The following NOL7 variants were observed in gnomAD, a reference collection of about 807,000 sequenced individuals.
NOL7 encodes the protein nucleolar protein 7.
Under a neutral mutation model 38.4 loss-of-function variants are expected in NOL7, and 36 were observed. The observed-to-expected ratio is 0.94, with a 90% confidence interval of 0.72 to 1.24. The LOEUF is 1.24. Among genes scored for constraint, NOL7 ranks in the 50% most tolerant of loss-of-function variants. The pLI, the probability that NOL7 is intolerant of heterozygous loss-of-function variation, is 0.00. For missense variants in NOL7, 350 were observed against 315.1 expected (o/e 1.11, Z -0.84); for synonymous variants, 142 against 126.5 (o/e 1.12, Z -0.82).
chr6:13,625,855 C>T (rs1220530547), downstream of NOL7: 1 of 874,594 alleles, frequency 1.1e-6, no homozygotes, highest in Non-Finnish European at 1.9e-6. Context: ...AATATGGCTT[C>T]CAGGCACAGA....
intron 4 of NOL7, 125 bp from the exon 5 acceptor site, chr6:13,617,933 G>A: frequency 2.0e-6 from 2 of 1,017,916 alleles, no homozygotes; most frequent in Non-Finnish European, 3.1e-6. Context: ...CCTATTCCCT[G>A]TATTTCATAC....
At chr6:13,621,756 AGACCAT>A (rs1230245518), downstream of NOL7, 1 of 152,678 alleles carries the variant, frequency 6.5e-6, no homozygotes, top group African/African-American at 2.4e-5. Context: ...AAGTTGAAAA[AGACCAT>A]GTTAAAACAA....
chr6:13,628,469 TAA>T (rs1364687047), intron 8 of NOL7, among the ~76,000 whole-genome samples: 1 of 152,130 alleles, frequency 6.6e-6, no homozygotes, highest in Non-Finnish European at 1.5e-5. Flanking sequence ...AAAAACATAC[TAA>T]AAAGCTTCAA....
At chr6:13,622,521 C>G (rs1764480198), downstream of NOL7, 15 of 1,525,922 alleles carry the variant, frequency 9.8e-6, no homozygotes, top group Non-Finnish European at 1.3e-5. Context: ...AAAATGAGAA[C>G]AGCAATTAGC....
In NOL7 at chr6:13,617,781, C is replaced by A. The variant is rs750301041; in HGVS notation, c.398C>A (p.Ser133Ter). 1.2e-6 allele frequency: 2 copies of A among 1,613,532 alleles called. No individual in the cohort carries two copies. Among genetic ancestry groups the A allele is most frequent in the Non-Finnish European group, 1.7e-6 (2 of 1,179,588 alleles). Residue 133 changes from serine (S) to a stop codon, truncating the protein, a stop_gained, in exon 4 of 8, where the codon TCG becomes TAG. Transcript: ENST00000451315. LOFTEE classifies it high-confidence loss of function. ...TTTTTTTTCCTTAGCATCAAGAAAT[C>A]GCCAGGAAAGGTGAAAGAAGGTATG... ...TTASQTNIKKSPGKVKEVNLQ... is the reference protein window; with the variant it reads ...TTASQTNIKK
intron 5 of NOL7, 55 bp from the exon 6 acceptor site, chr6:13,620,148 GAAAAA>G: frequency 7.3e-7 from 1 of 1,371,550 alleles, no homozygotes; most frequent in Middle Eastern, 1.9e-4. Flanking sequence ...GTCTCAGGAA[GAAAAA>G]AAAAAGAAAG....
chr6:13,615,341 T>A lies in NOL7; in HGVS notation c.-18T>A, dbSNP rs1451309984. The A allele has an allele frequency of 2.0e-6, 3 of 1,472,080 alleles. No individual in the cohort carries two copies. Among genetic ancestry groups the A allele is most frequent in the Non-Finnish European group, 2.7e-6 (3 of 1,117,782 alleles). The allele number at this position is 1,472,080 out of a possible 1,614,324, so 91.2% of individuals were successfully genotyped here. A position where few individuals can be genotyped will look rare whatever the true frequency, so the allele number is the denominator to read the frequency against. On this transcript the variant is annotated 5_prime_UTR_variant, in exon 1 of 8. Transcript: ENST00000451315. Reference sequence around the variant, plus strand: ...TGCTTCCGGGTCAGAGGTCAGACGGTCTAGCGCTGCGTGGGCCATGGTGCA... The same window carrying A: ...TGCTTCCGGGTCAGAGGTCAGACGGACTAGCGCTGCGTGGGCCATGGTGCA...
intron 6 of NOL7, 29 bp downstream of exon 6, chr6:13,620,358 C>G (rs763594824): frequency 6.2e-7 from 1 of 1,613,604 alleles, no homozygotes; most frequent in African/African-American, 1.3e-5. Context: ...ATTTTTCTCA[C>G]TTTTTACTGC....
chr6:13,630,749 T>C (rs1016890240), intron 8 of NOL7, among the ~76,000 whole-genome samples: 4 of 152,174 alleles, frequency 2.6e-5, no homozygotes. Context: ...CTAAAGGCAG[T>C]CTGGTCTGTA....
downstream of NOL7, among the ~76,000 whole-genome samples, chr6:13,625,059 C>T (rs1315069473): frequency 9.9e-5 from 15 of 152,222 alleles, no homozygotes; most frequent in Non-Finnish European, 1.5e-5. Flanking sequence ...TTGAGCTTCT[C>T]TGATATTCAA....
chr6:13,615,623 A>G lies in NOL7; in HGVS notation c.265A>G (p.Arg89Gly), dbSNP rs1164750601. 2.5e-6 allele frequency: 4 copies of G among 1,602,810 alleles called. No homozygotes were observed. In the Admixed American group the frequency reaches 5.2e-5, roughly 21 times the overall value. ...EERRVRETVR[R>G]DKTLLKEKRK... ...GCGGCGAGTGCGGGAGACCGTGCGC[A>G]GGTTCGGAGCCCGCTGCCCGGCGGG... The change falls in exon 1 of 8, where the codon AGG (arginine) becomes GGG (glycine). Residue 89 changes from arginine to glycine, a missense_variant and splice_region_variant. Physicochemically the swap from Arg to Gly is moderately radical, Grantham distance 125. Transcript: ENST00000451315.
At chr6:13,620,706 G>T in intron 7 of NOL7, 48 bp from the exon 8 acceptor site, 2 of 1,312,682 alleles carry the variant, frequency 1.5e-6, no homozygotes, top group South Asian at 2.7e-5. Context: ...AAAAAATTTT[G>T]AATTATGTTT....
At chr6:13,620,582 T>TAATG (rs1272222791) in intron 7 of NOL7, 97 bp downstream of exon 7, 6 of 1,224,572 alleles carry the variant, frequency 4.9e-6, no homozygotes, top group Non-Finnish European at 7.1e-6. Flanking sequence ...TTCCCCCTTA[T>TAATG]AATGGCTTAT....
downstream of NOL7, chr6:13,625,808 C>T: frequency 7.5e-7 from 1 of 1,330,478 alleles, no homozygotes; most frequent in Non-Finnish European, 1.1e-6. Flanking sequence ...AATAGTTCAA[C>T]TATTATGCTC....
intron 3 of NOL7, among the ~76,000 whole-genome samples, chr6:13,617,019 C>T (rs9474732): frequency 2.6e-5 from 4 of 152,008 alleles, no homozygotes; most frequent in African/African-American, 9.7e-5. Flanking sequence ...ATTTAGCCTT[C>T]TAAATTTTTT....
At chr6:13,627,283 T>G (rs1224798175) in intron 8 of NOL7, among the ~76,000 whole-genome samples, 2 of 151,984 alleles carry the variant, frequency 1.3e-5, no homozygotes, top group African/African-American at 2.4e-5. Flanking sequence ...TCCCAACCCA[T>G]GGAAAGAATA....
intron 5 of NOL7, among the ~76,000 whole-genome samples, 185 bp from the exon 6 acceptor site, chr6:13,620,023 C>A (rs1764397137): frequency 6.6e-6 from 1 of 152,106 alleles, no homozygotes; most frequent in Non-Finnish European, 1.5e-5. Context: ...GGCATGGTGG[C>A]AGGCACCTGT....
Position 13,615,392 on chromosome 6 carries a change from C to G in NOL7, c.34C>G (p.Pro12Ala). 6.5e-7 allele frequency: 1 copy of G among 1,528,174 alleles called. No homozygotes were observed. Among genetic ancestry groups the G allele is most frequent in the South Asian group, 1.2e-5 (1 of 80,396 alleles). 94.7% of individuals were successfully genotyped at this position (1,528,174 alleles called of 1,614,324 possible). The change falls in exon 1 of 8, where the codon CCG becomes GCG. Residue 12 changes from proline to alanine, a missense_variant. Coordinates refer to ENST00000451315, the MANE Select transcript of NOL7 (RefSeq NM_016167.5). ...GCTCCGACCGCGAGCGTCTCGCGCCCCGGCGTCGGCGGAGGCGATGGTGGA... is the reference window on the plus strand; with the variant it reads ...GCTCCGACCGCGAGCGTCTCGCGCCGCGGCGTCGGCGGAGGCGATGGTGGA... ...VQLRPRASRA[P>A]ASAEAMVDEG...
intron 8 of NOL7, among the ~76,000 whole-genome samples, chr6:13,627,160 G>T (rs1365819973): frequency 6.6e-6 from 1 of 152,160 alleles, no homozygotes; most frequent in Non-Finnish European, 1.5e-5. Flanking sequence ...GGTACAGGAA[G>T]ATAATTCATA....
Sources: allele counts gnomAD v4.1 joint callset (sites outside exome capture counted in the v4.1 genomes callset), GRCh38; gene constraint gnomAD v4.1.1; transcripts MANE v1.5; gene names NCBI Gene and HGNC (gene_info 2026-07-23, HGNC 2026-07-21).